PLCD3: variants seen among roughly 807,000 people sequenced by gnomAD.
PLCD3 encodes phospholipase C delta 3.
A neutral mutation model predicts 82.8 loss-of-function variants in PLCD3; 62 were observed. The observed-to-expected ratio is 0.75, with a 90% CI of 0.61 to 0.93. The LOEUF is 0.93. PLCD3 is among the 40% of genes least tolerant of loss of function. The pLI is 0.00. For missense variants in PLCD3, 1,023 were observed against 1,103.4 expected, an observed-to-expected ratio of 0.93 and a Z score of 1.03; for synonymous variants, 478 against 471.8, an observed-to-expected ratio of 1.01 and a Z score of -0.17.
At chr17:45,121,612 C>G (rs920571042) in intron 1 of PLCD3, among the ~76,000 whole-genome samples, 2 of 152,198 alleles carry the variant, frequency 1.3e-5, no homozygotes, top group Non-Finnish European at 2.9e-5. Flanking sequence ...CCCCATCTCC[C>G]TCCTTCCTTC....
rs536570997 is a variant in PLCD3 at position 45,123,356 on chromosome 17, A to G, written c.164-1984T>C. ...CTAACAGCACTTTTTGCTTTAATTA[A>G]AATAAAACACAAAACCCACCTATAT... On this transcript the variant is annotated intron_variant, in intron 1 of 14. Coordinates refer to ENST00000619929, the MANE Select transcript of PLCD3 (RefSeq NM_133373.5). Among the ~76,000 whole-genome samples, 16 of 152,206 alleles carry G rather than the reference A, an allele frequency of 1.1e-4. 1 individual carries two copies. Among genetic ancestry groups the G allele is most frequent in the Non-Finnish European group, 2.4e-4 (16 of 68,030 alleles).
At position 45,113,105 on chromosome 17, in the gene PLCD3, C is replaced by A. The variant is rs370542413; in HGVS notation, c.2131+17G>T. The A allele has an allele frequency of 6.4e-5, 104 of 1,613,220 alleles. No individual in the cohort carries two copies. Among genetic ancestry groups the A allele is most frequent in the African/African-American group, 4.4e-4 (33 of 75,046 alleles). Reference sequence around the variant, plus strand: ...CTGCAGTCTCCCCCAACCCCACTTCCGCCAGTGGCTGCCCACCATTGTTGA... The same window carrying A: ...CTGCAGTCTCCCCCAACCCCACTTCAGCCAGTGGCTGCCCACCATTGTTGA... On this transcript the variant is annotated intron_variant, in intron 13 of 14. Transcript: ENST00000619929.
At chr17:45,127,811 C>T (rs1458539383) in intron 1 of PLCD3, among the ~76,000 whole-genome samples, 5 of 37,724 alleles carry the variant, frequency 1.3e-4, no homozygotes, top group Admixed American at 4.6e-4. Flanking sequence ...TGAGTGTGTG[C>T]GTGTGAGTGT....
rs537471183 is a variant in PLCD3, at chr17:45,113,860, G to A, written c.1829-255C>T. On this transcript the variant is annotated intron_variant, in intron 11 of 14. Coordinates refer to ENST00000619929, the MANE Select transcript of PLCD3 (RefSeq NM_133373.5). ...CCCCCACCCTCAGGGCCAGGCTTGG[G>A]TCAGAGCCAGGGGTCTGAGGAAGCC... 2.0e-5 allele frequency among the ~76,000 whole-genome samples: 3 copies of A among 152,142 alleles called. No individual in the cohort carries two copies. In the South Asian group the frequency reaches 6.2e-4, roughly 32 times the overall value.
intron 8 of PLCD3, 50 bp from the exon 9 acceptor site, chr17:45,115,540 G>GGC: frequency 6.6e-7 from 1 of 1,514,506 alleles, no homozygotes; most frequent in South Asian, 1.2e-5. Context: ...TCGCCCCTGT[G>GGC]GCAGCCAGTC....
At chr17:45,131,675 C>G (rs921034589) in intron 1 of PLCD3, among the ~76,000 whole-genome samples, 4 of 152,252 alleles carry the variant, frequency 2.6e-5, no homozygotes, top group African/African-American at 9.6e-5. Flanking sequence ...CAATGAGCCA[C>G]AGTTACATTC....
Position 45,132,189 on chromosome 17 carries a change from C to A in PLCD3, c.163+59G>T. 1 of 1,235,554 alleles carries A rather than the reference C, an allele frequency of 8.1e-7. No individual in the cohort carries two copies. The highest frequency in any genetic ancestry group is 1.0e-6 in the Non-Finnish European group (1 of 988,780). The allele number at this position is 1,235,554 out of a possible 1,614,324, so 76.5% of individuals were successfully genotyped here. ...CCACGAACTGCTCCCTGGAGCGCCC[C>A]AGACTGGGCCTCTGGGAACGGTCCG... On this transcript the variant is annotated intron_variant, in intron 1 of 14. Coordinates refer to ENST00000619929, the MANE Select transcript of PLCD3 (RefSeq NM_133373.5). This position sits in a 1 kb window ranked among gnomAD's most constrained non-coding sequence, Gnocchi z 4.6.
Position 45,118,287 on chromosome 17 carries a change from G to A in PLCD3, c.1115+4C>T, listed in dbSNP as rs368387239. On this transcript the variant is annotated splice_donor_region_variant and intron_variant, in intron 6 of 14. Transcript: ENST00000619929. This position sits in a 1 kb window ranked among gnomAD's most constrained non-coding sequence, Gnocchi z 4.1. ...CCGGAAACATTCACCCCCTGCTACA[G>A]TACCTAACATAGGCCTCGGTGCTGC... The A allele has an allele frequency of 1.1e-5, 18 of 1,613,898 alleles. No homozygotes were observed. The highest frequency in any genetic ancestry group is 1.4e-5 in the Non-Finnish European group (16 of 1,179,896).
intron 7 of PLCD3, 22 bp downstream of exon 7, chr17:45,117,972 G>A (rs1287659328): frequency 9.3e-6 from 15 of 1,611,734 alleles, no homozygotes; most frequent in Non-Finnish European, 1.3e-5. Context: ...TGGGGCTGGG[G>A]CTGGGCATCC....
In PLCD3 at chr17:45,114,353, G is replaced by A; in HGVS notation, c.1725C>T (p.Val575=). The part of the protein sequence containing the change: ...KLIREAGNSF[V]RHNARQLTRV... ...GGGTCAGCTGGCGGGCATTGTGCCT[G>A]ACAAAGCTGTTCCCTGGGGCAGAGT... Residue 575 remains valine (V), a synonymous_variant, in exon 11 of 15, where the codon GTC becomes GTT. Transcript: ENST00000619929. 1 of 1,548,682 alleles carries A rather than the reference G, an allele frequency of 6.5e-7. No individual in the cohort carries two copies. Among genetic ancestry groups the A allele is most frequent in the Non-Finnish European group, 8.7e-7 (1 of 1,145,906 alleles).
intron 1 of PLCD3, among the ~76,000 whole-genome samples, chr17:45,122,371 T>TG (rs2054348446): frequency 6.6e-6 from 1 of 152,224 alleles, no homozygotes; most frequent in South Asian, 2.1e-4. Context: ...GCATCTCCTG[T>TG]GTGCAGGCCC....
At chr17:45,117,062 A>C (rs1193908662) in intron 7 of PLCD3, among the ~76,000 whole-genome samples, 1 of 152,064 alleles carries the variant, frequency 6.6e-6, no homozygotes, top group Non-Finnish European at 1.5e-5. Context: ...TCCCTGCCTC[A>C]GCCTCCTAAG....
At chr17:45,117,897 G>C in intron 7 of PLCD3, 97 bp downstream of exon 7, 2 of 1,479,682 alleles carry the variant, frequency 1.4e-6, no homozygotes, top group East Asian at 4.8e-5. Context: ...CTGGGCAAGG[G>C]TTTCCTCTGG....
chr17:45,115,007 C>T (rs1420111286), intron 10 of PLCD3, 87 bp downstream of exon 10: 2 of 1,503,580 alleles, frequency 1.3e-6, no homozygotes, highest in Admixed American at 4.2e-5. Context: ...TTTACTGTCC[C>T]CCAAAGCCCC....
intron 1 of PLCD3, among the ~76,000 whole-genome samples, chr17:45,129,714 C>G (rs1258818560): frequency 6.6e-6 from 1 of 152,234 alleles, no homozygotes; most frequent in Admixed American, 6.5e-5. Flanking sequence ...TCACTGGGCT[C>G]TAGCGCTCCT....
At position 45,112,332 on chromosome 17, in the gene PLCD3, T is replaced by C. The variant is rs151255310; in HGVS notation, c.*284A>G. 6.5e-5 allele frequency: 30 copies of C among 459,744 alleles called. No individual in the cohort carries two copies. The highest frequency in any genetic ancestry group is 1.1e-4 in the Non-Finnish European group (27 of 249,422). 28.5% of individuals were successfully genotyped at this position (459,744 alleles called of 1,614,324 possible). On this transcript the variant is annotated 3_prime_UTR_variant, in exon 15 of 15. Transcript: ENST00000619929. ...CTGGCAGCAACAGGCTTGCTCCTCA[T>C]AAGTCACAATGAGGGGTGGGCTGAG...
rs1231991871 is a variant in PLCD3 at position 45,121,144 on chromosome 17, C to T, written c.326-14G>A. The T allele has an allele frequency of 1.3e-6, 2 of 1,514,606 alleles. No homozygotes were observed. Among genetic ancestry groups the T allele is most frequent in the Admixed American group, 4.1e-5 (2 of 48,824 alleles). The allele number at this position is 1,514,606 out of a possible 1,614,324, so 93.8% of individuals were successfully genotyped here. A position where few individuals can be genotyped will look rare whatever the true frequency, so the allele number is the denominator to read the frequency against. On this transcript the variant is annotated splice_polypyrimidine_tract_variant and intron_variant, in intron 2 of 14. Transcript: ENST00000619929. The stretch of plus-strand genomic sequence containing the variant: ...GCTGCACGAAGACTGAGAGGAGGGC[C>T]GGGTCAGGGCGGAGGACCGGGCCTG...
intron 1 of PLCD3, among the ~76,000 whole-genome samples, chr17:45,125,442 T>C (rs2143585971): frequency 6.6e-6 from 1 of 152,064 alleles, no homozygotes; most frequent in South Asian, 2.1e-4. Context: ...CTACTAAAAA[T>C]AGAAAACAGC....
Position 45,132,091 on chromosome 17 carries a change from G to A in PLCD3, c.163+157C>T, listed in dbSNP as rs895704893. On this transcript the variant is annotated intron_variant, in intron 1 of 14. Transcript: ENST00000619929. This position sits in a 1 kb window ranked among gnomAD's most constrained non-coding sequence, Gnocchi z 4.6. ...CCGGGACCCTCGGATGACCCCAGGTGCGACCCCCAGCTGGAGGGAGCTGGC... is the reference window on the plus strand; with the variant it reads ...CCGGGACCCTCGGATGACCCCAGGTACGACCCCCAGCTGGAGGGAGCTGGC... Among the ~76,000 whole-genome samples, 2 of 152,204 alleles carry A rather than the reference G, an allele frequency of 1.3e-5. No homozygotes were observed. The highest frequency in any genetic ancestry group is 6.5e-5 in the Admixed American group (1 of 15,288).
Sources: gnomAD v4.1 joint callset for allele counts (sites outside exome capture counted in the v4.1 genomes callset) on GRCh38, gnomAD v4.1.1 for gene constraint, Gnocchi (gnomAD v3.1) non-coding constraint, MANE v1.5 for transcripts, NCBI Gene and HGNC (gene_info 2026-07-23, HGNC 2026-07-21) for gene names.